Variants in CTBP1 observed in about 807,000 individuals in gnomAD.
The protein encoded by CTBP1 is C-terminal binding protein 1, also known as C-terminal-binding protein 1.
In CTBP1, 11 loss-of-function variants were observed where a neutral mutation model predicts 42.1. The ratio of observed to expected loss-of-function variants is 0.26; its 90% CI spans 0.16 to 0.43. The LOEUF is 0.43. Ranked by LOEUF, CTBP1 falls within the 20% of genes least tolerant of loss-of-function variation. CTBP1 has a pLI of 1.00. For synonymous variants in CTBP1, 324 were observed against 277.1 expected (o/e 1.17, Z -1.68); for missense variants, 399 against 624.3 (o/e 0.64, Z 3.85).
At chr4:1,247,791 G>A (rs1017842642) in intron 1 of CTBP1, among the ~76,000 whole-genome samples, 7 of 151,424 alleles carry the variant, frequency 4.6e-5, no homozygotes, top group Non-Finnish European at 7.4e-5. Context: ...CGGGCTCAAC[G>A]GAACACCCTG....
chr4:1,215,787 GATGTCCTGAGT>G (rs1729042433), intron 6 of CTBP1, 193 bp downstream of exon 6: 1 of 604,472 alleles, frequency 1.7e-6, no homozygotes, highest in East Asian at 2.8e-5. Flanking sequence ...GAGTATTTTA[GATGTCCTGAGT>G]AGAACTCAGA....
At chr4:1,232,893 A>G (rs943568531) in intron 3 of CTBP1, 1 of 151,896 alleles carries the variant, frequency 6.6e-6, no homozygotes, top group African/African-American at 2.4e-5. Flanking sequence ...CACACCTGAA[A>G]AGCCACTGCC....
intron 5 of CTBP1, among the ~76,000 whole-genome samples, chr4:1,220,772 G>A (rs910112460): frequency 4.6e-4 from 70 of 152,238 alleles, no homozygotes; most frequent in African/African-American, 1.4e-3. Context: ...GTGCCGCAGC[G>A]ACCTGCCATC....
intron 8 of CTBP1, 65 bp downstream of exon 8, chr4:1,213,413 C>T: frequency 6.3e-7 from 1 of 1,595,184 alleles, no homozygotes; most frequent in Non-Finnish European, 8.5e-7. Flanking sequence ...CGGATGCGAG[C>T]CCATGAGCAT....
chr4:1,231,505 T>C (rs1423707628), intron 3 of CTBP1, among the ~76,000 whole-genome samples: 5 of 152,096 alleles, frequency 3.3e-5, no homozygotes, highest in Non-Finnish European at 7.4e-5. Context: ...GCCACCGGGC[T>C]GGAAACAGAC....
At chr4:1,230,282 G>C (rs1730829117) in intron 3 of CTBP1, among the ~76,000 whole-genome samples, 2 of 152,236 alleles carry the variant, frequency 1.3e-5, no homozygotes, top group African/African-American at 4.8e-5. Context: ...GTGCACAGCT[G>C]TGGTGGAGGC....
chr4:1,211,953 A>C lies in CTBP1; in HGVS notation c.*287T>G. ...TTTTTGTTGACAGCTAAGCAAACAG[A>C]TCCTTTGTAATGTTCTAAAAACTGT... is the stretch of plus-strand genomic sequence containing the variant. On this transcript the variant is annotated 3_prime_UTR_variant, in exon 10 of 10. Transcript: ENST00000382952. 1 of 304,734 alleles carries C rather than the reference A, an allele frequency of 3.3e-6. No homozygotes were observed. The highest frequency in any genetic ancestry group is 6.0e-6 in the Non-Finnish European group (1 of 167,244). The allele number at this position is 304,734 out of a possible 1,614,324, so 18.9% of individuals were successfully genotyped here.
At chr4:1,244,742 G>A in intron 1 of CTBP1, 3 of 985,274 alleles carry the variant, frequency 3.0e-6, no homozygotes, top group Non-Finnish European at 3.6e-6. Flanking sequence ...CCGGGCTCGA[G>A]TGGCCCTCTC....
In CTBP1 at chr4:1,214,254, C is replaced by G. The variant is rs774701449; in HGVS notation, c.860+89G>C. 11 of 1,415,652 alleles carry G rather than the reference C, an allele frequency of 7.8e-6. No individual in the cohort carries two copies. The South Asian group carries it at 1.7e-4, about 22-fold the overall frequency. The allele number at this position is 1,415,652 out of a possible 1,614,324, so 87.7% of individuals were successfully genotyped here. The stretch of plus-strand genomic sequence containing the variant: ...GAGAGGCCTGAGTACAGGCAAGTGT[C>G]CGGCCTGGCAGAGGCGCCGTCTGGA... On this transcript the variant is annotated intron_variant, in intron 7 of 9. Transcript: ENST00000382952.
intron 3 of CTBP1, chr4:1,237,439 C>T (rs1165239243): frequency 8.8e-6 from 6 of 682,876 alleles, no homozygotes; most frequent in Non-Finnish European, 1.6e-5. Context: ...CCCGTGTCCA[C>T]CTCCTGATGG....
chr4:1,229,307 C>T (rs552362122), intron 3 of CTBP1, among the ~76,000 whole-genome samples: 1 of 152,368 alleles, frequency 6.6e-6, no homozygotes, highest in African/African-American at 2.4e-5. Flanking sequence ...ACACATCCAC[C>T]CGCACACGTC....
At position 1,242,850 on chromosome 4, in the gene CTBP1, C is replaced by T. The variant is rs560643476; in HGVS notation, c.-188-1331G>A. On this transcript the variant is annotated intron_variant, in intron 1 of 9. Transcript: ENST00000382952. ...CCGCCTAAATGTCACATTTCACCCA[C>T]GAGCCAGCCTGGCCAGGGGGCAAGG... 46 of 985,438 alleles carry T rather than the reference C, an allele frequency of 4.7e-5. No homozygotes were observed. The East Asian group carries it at 2.8e-3, about 61-fold the overall frequency. The allele number at this position is 985,438 out of a possible 1,614,324, so 61.0% of individuals were successfully genotyped here.
chr4:1,245,438 A>G, intron 1 of CTBP1: 1 of 985,304 alleles, frequency 1.0e-6, no homozygotes, highest in Non-Finnish European at 1.2e-6. Flanking sequence ...CCTTCCCAAC[A>G]CAGTCTACAC....
At chr4:1,214,127 A>C in intron 7 of CTBP1, 1 of 569,370 alleles carries the variant, frequency 1.8e-6, no homozygotes. Context: ...AGGGCTGAGG[A>C]GGTTGAGCAG....
chr4:1,247,329 G>A (rs1010727912), intron 1 of CTBP1, among the ~76,000 whole-genome samples: 14 of 152,294 alleles, frequency 9.2e-5, no homozygotes, highest in South Asian at 2.1e-4. Flanking sequence ...CTCTGCAGAG[G>A]ACGCCTGTAT....
At position 1,214,501 on chromosome 4, in the gene CTBP1, C is replaced by G. The variant is rs1473022654; in HGVS notation, c.730-28G>C. Reference sequence around the variant, plus strand: ...AGAAGACATAAGGACAGGCCAGGCCCAGTCAGGGATCCGCACAGGGCGGGC... The same window carrying G: ...AGAAGACATAAGGACAGGCCAGGCCGAGTCAGGGATCCGCACAGGGCGGGC... On this transcript the variant is annotated intron_variant, in intron 6 of 9. Transcript: ENST00000382952. The G allele has an allele frequency of 3.9e-6, 6 of 1,548,882 alleles. No homozygotes were observed. In the African/African-American group the frequency reaches 4.3e-5, roughly 11 times the overall value.
chr4:1,233,870 G>A lies in CTBP1; in HGVS notation c.162+4313C>T, dbSNP rs1731214991. Among the ~76,000 whole-genome samples the A allele has an allele frequency of 6.6e-6, 1 of 152,206 alleles. No individual in the cohort carries two copies. Among genetic ancestry groups the A allele is most frequent in the South Asian group, 2.1e-4 (1 of 4,834 alleles). On this transcript the variant is annotated intron_variant, in intron 3 of 9. Coordinates refer to ENST00000382952, the MANE Select transcript of CTBP1 (RefSeq NM_001012614.2). This position sits in a 1 kb window ranked among gnomAD's most constrained non-coding sequence, Gnocchi z 4.6. Reference sequence around the variant, plus strand: ...TGACTAACAGTGGCACACAAAGCAGGTGTTCAGTTTCCTCCCACGCCAAAG... The same window carrying A: ...TGACTAACAGTGGCACACAAAGCAGATGTTCAGTTTCCTCCCACGCCAAAG...
intron 4 of CTBP1, among the ~76,000 whole-genome samples, chr4:1,227,524 T>C (rs1336162197): frequency 2.7e-5 from 4 of 148,650 alleles, no homozygotes; most frequent in African/African-American, 1.0e-4. Context: ...GCGTGTTCCA[T>C]GTGCTGAGTG....
rs748228727 is a variant in CTBP1 at position 1,248,935 on chromosome 4, G to C, written c.-208C>G. The C allele has an allele frequency of 2.0e-6, 2 of 1,010,666 alleles. No homozygotes were observed. The highest frequency in any genetic ancestry group is 6.2e-5 in the South Asian group (2 of 32,210). 62.6% of individuals were successfully genotyped at this position (1,010,666 alleles called of 1,614,324 possible). A position where few individuals can be genotyped will look rare whatever the true frequency, so the allele number is the denominator to read the frequency against. ...CCTTACCAAGCGGCAGGCCCTTGTTGAGCAAGTGCGAGCTGCCCATCGAGA... is the reference window on the plus strand; with the variant it reads ...CCTTACCAAGCGGCAGGCCCTTGTTCAGCAAGTGCGAGCTGCCCATCGAGA... On this transcript the variant is annotated 5_prime_UTR_variant, in exon 1 of 10. Coordinates refer to ENST00000382952, the MANE Select transcript of CTBP1 (RefSeq NM_001012614.2).
Sources: allele counts gnomAD v4.1 joint callset (sites outside exome capture counted in the v4.1 genomes callset), GRCh38; gene constraint gnomAD v4.1.1; non-coding constraint Gnocchi (gnomAD v3.1); transcripts MANE v1.5; gene names NCBI Gene and HGNC (gene_info 2026-07-23, HGNC 2026-07-21).